CHLSN: variants seen among roughly 807,000 people sequenced by gnomAD.
CHLSN encodes cholesin.
At chr7:990,398 G>T in the CHLSN span, among the ~76,000 whole-genome samples, 1 of 145,726 alleles carries the variant, frequency 6.9e-6, no homozygotes, top group Non-Finnish European at 1.5e-5. Context: ...CGGTGTGATG[G>T]GACACCTGCT....
the CHLSN span, chr7:989,790 A>G: frequency 4.9e-6 from 1 of 203,142 alleles, no homozygotes; most frequent in Non-Finnish European, 1.0e-5. Flanking sequence ...AAACAAACAG[A>G]AGGAAATGTC....
chr7:1,033,548 A>C, the CHLSN span, among the ~76,000 whole-genome samples: 5 of 151,874 alleles, frequency 3.3e-5, no homozygotes, highest in Non-Finnish European at 5.9e-5. Flanking sequence ...AATAAGTGCG[A>C]AACTCCGTCT....
chr7:1,030,157 A>G, the CHLSN span, among the ~76,000 whole-genome samples: 1 of 152,174 alleles, frequency 6.6e-6, no homozygotes, highest in Non-Finnish European at 1.5e-5. Context: ...CAGCCCACAC[A>G]GTCACCTGCC....
the CHLSN span, chr7:1,127,138 C>T: frequency 1.1e-4 from 141 of 1,247,752 alleles, no homozygotes; most frequent in African/African-American, 1.9e-3. Flanking sequence ...ACCACGCCTC[C>T]GCACCTGTTC....
the CHLSN span, among the ~76,000 whole-genome samples, chr7:1,098,089 T>A: frequency 1.3e-5 from 2 of 151,948 alleles, no homozygotes; most frequent in East Asian, 3.9e-4. Context: ...AAGTGCTGCC[T>A]CAAAGTCCAT....
chr7:988,024 T>TG, the CHLSN span, among the ~76,000 whole-genome samples: 2 of 148,556 alleles, frequency 1.3e-5, no homozygotes, highest in Non-Finnish European at 3.0e-5. Flanking sequence ...CTGTGTGTCC[T>TG]GGGGGTCCCC....
At chr7:1,093,147 C>CCCTGCCTGCCGCTGCA in the CHLSN span, 7 of 610,992 alleles carry the variant, frequency 1.1e-5, no homozygotes, top group East Asian at 2.2e-4. Flanking sequence ...TCCCCGCCAA[C>CCCTGCCTGCCGCTGCA]CCTGCCTGCC....
At chr7:1,084,051 G>T in the CHLSN span, among the ~76,000 whole-genome samples, 1 of 152,264 alleles carries the variant, frequency 6.6e-6, no homozygotes, top group East Asian at 1.9e-4. Context: ...CTGTCTGAGG[G>T]GAGGTCACAG....
chr7:983,156 G>T, the CHLSN span: 37 of 1,392,048 alleles, frequency 2.7e-5, no homozygotes, highest in Non-Finnish European at 3.3e-5. Flanking sequence ...AGGCCTATAA[G>T]GGTGCGGGGG....
At chr7:1,136,571 C>A in the CHLSN span, among the ~76,000 whole-genome samples, 2 of 27,272 alleles carry the variant, frequency 7.3e-5, no homozygotes, top group Admixed American at 3.9e-4. Context: ...AACATATAAA[C>A]ATAAACATAT....
the CHLSN span, among the ~76,000 whole-genome samples, chr7:978,373 C>A: frequency 6.6e-6 from 1 of 152,072 alleles, no homozygotes; most frequent in East Asian, 1.9e-4. Context: ...CAAAAATTAG[C>A]CAGGTGTAGG....
chr7:1,123,138 G>GAGGC, the CHLSN span, among the ~76,000 whole-genome samples: 1 of 152,236 alleles, frequency 6.6e-6, no homozygotes, highest in African/African-American at 2.4e-5. The surrounding 1 kb of genome is among the most constrained non-coding windows in gnomAD (Gnocchi z 4.4). Flanking sequence ...ACGCCAGACA[G>GAGGC]AGGCACCAGG....
At chr7:997,440 G>C in the CHLSN span, 8 of 543,652 alleles carry the variant, frequency 1.5e-5, no homozygotes, top group Non-Finnish European at 2.2e-5. Context: ...GGGTCTGGAG[G>C]AGGGAAGGGG....
the CHLSN span, chr7:987,396 C>G: frequency 1.4e-5 from 23 of 1,595,090 alleles, no homozygotes; most frequent in Admixed American, 1.0e-4. Context: ...GGCGGACTCC[C>G]CGGCTGGAGG....
At chr7:1,021,541 C>T in the CHLSN span, 4 of 985,318 alleles carry the variant, frequency 4.1e-6, no homozygotes, top group African/African-American at 1.7e-5. Context: ...GTCCATCCAC[C>T]GCACAGGAGT....
the CHLSN span, among the ~76,000 whole-genome samples, chr7:979,624 T>C: frequency 0.015 from 2,245 of 151,690 alleles, 119 homozygotes; most frequent in East Asian, 0.21. Flanking sequence ...TGGTGGTGAG[T>C]GCCTGTAGTC....
At chr7:997,759 G>A in the CHLSN span, 2 of 1,610,158 alleles carry the variant, frequency 1.2e-6, no homozygotes, top group South Asian at 1.1e-5. Context: ...CGGCCCTGCA[G>A]CCCCTCCAGG....
At chr7:1,098,105 G>A in the CHLSN span, among the ~76,000 whole-genome samples, 2,663 of 152,258 alleles carry the variant, frequency 0.017, 105 homozygotes, top group East Asian at 0.18. Flanking sequence ...TCCATTTCCC[G>A]AGATGGGCAA....
At chr7:1,093,426 A>G in the CHLSN span, 7 of 462,306 alleles carry the variant, frequency 1.5e-5, no homozygotes, top group Non-Finnish European at 2.7e-5. Context: ...TGCACGCCTG[A>G]GCGTCCTCCA....
Sources: allele counts gnomAD v4.1 joint callset (sites outside exome capture counted in the v4.1 genomes callset), GRCh38; gene constraint gnomAD v4.1.1; non-coding constraint Gnocchi (gnomAD v3.1); transcripts MANE v1.5; gene names NCBI Gene and HGNC (gene_info 2026-07-23, HGNC 2026-07-21).